PARD3B: variants seen among roughly 807,000 people sequenced by gnomAD.
The protein encoded by PARD3B is par-3 family cell polarity regulator beta.
In PARD3B, 103 loss-of-function variants were observed where a neutral mutation model predicts 130.2. The ratio of observed to expected loss-of-function variants is 0.79; its 90% CI spans 0.67 to 0.93. PARD3B has a LOEUF of 0.93. Among genes scored for constraint, PARD3B ranks in the 40% least tolerant of loss-of-function variants. The pLI is 0.00. For missense variants in PARD3B, 1,609 were observed against 1,499.2 expected (o/e 1.07, Z -1.21); for synonymous variants, 583 against 553.2 (o/e 1.05, Z -0.76).
intron 2 of PARD3B, among the ~76,000 whole-genome samples, chr2:204,713,041 T>G (rs1179810591): frequency 6.6e-6 from 1 of 152,154 alleles, no homozygotes; most frequent in Non-Finnish European, 1.5e-5. Context: ...TTCACTGCTG[T>G]AGAGTGTTTC....
chr2:204,821,646 A>G (rs988714416), intron 2 of PARD3B, among the ~76,000 whole-genome samples: 13 of 152,026 alleles, frequency 8.6e-5, no homozygotes, highest in African/African-American at 2.2e-4. Context: ...ATACATATGT[A>G]ACTAACCTGC....
At chr2:204,679,191 A>C (rs563850520) in intron 1 of PARD3B, among the ~76,000 whole-genome samples, 2 of 152,246 alleles carry the variant, frequency 1.3e-5, no homozygotes, top group South Asian at 4.1e-4. Flanking sequence ...TATACATTCT[A>C]CTGGTTACGA....
chr2:205,495,571 A>G (rs890767168), intron 20 of PARD3B, among the ~76,000 whole-genome samples: 1 of 152,220 alleles, frequency 6.6e-6, no homozygotes, highest in African/African-American at 2.4e-5. Context: ...TTCTAGAATC[A>G]GTGCTGCTAA....
intron 15 of PARD3B, among the ~76,000 whole-genome samples, chr2:205,227,976 A>G (rs926491066): frequency 6.6e-6 from 1 of 152,170 alleles, no homozygotes; most frequent in Non-Finnish European, 1.5e-5. Context: ...AAAGAAGACT[A>G]ATGAAAATTC....
chr2:205,162,867 A>G (rs1488282905), intron 11 of PARD3B, among the ~76,000 whole-genome samples: 13 of 152,168 alleles, frequency 8.5e-5, no homozygotes, highest in Admixed American at 8.5e-4. Context: ...AGATATTTTT[A>G]TGTTCATTTG....
At chr2:205,332,549 T>C (rs2043174580) in intron 18 of PARD3B, among the ~76,000 whole-genome samples, 1 of 152,202 alleles carries the variant, frequency 6.6e-6, no homozygotes, top group Middle Eastern at 3.2e-3. Context: ...AAAATATTTG[T>C]GGTCTTCTAC....
intron 21 of PARD3B, among the ~76,000 whole-genome samples, chr2:205,520,780 T>C (rs1295171484): frequency 4.6e-5 from 7 of 152,084 alleles, no homozygotes; most frequent in Admixed American, 1.3e-4. Context: ...TTTGTTATAT[T>C]TTGAAAATTT....
intron 5 of PARD3B, among the ~76,000 whole-genome samples, chr2:205,111,030 A>G (rs1703609385): frequency 6.6e-6 from 1 of 152,144 alleles, no homozygotes; most frequent in Non-Finnish European, 1.5e-5. Flanking sequence ...TTTTAAATAA[A>G]TAAAAATATG....
chr2:205,487,392 T>G (rs2049485707), intron 20 of PARD3B, among the ~76,000 whole-genome samples: 1 of 152,184 alleles, frequency 6.6e-6, no homozygotes, highest in Non-Finnish European at 1.5e-5. Flanking sequence ...TACTGACGTT[T>G]TGTTATATTT....
intron 19 of PARD3B, among the ~76,000 whole-genome samples, chr2:205,413,935 C>A (rs913468735): frequency 2.6e-5 from 4 of 152,096 alleles, no homozygotes; most frequent in African/African-American, 9.7e-5. Context: ...ATGGAAGATA[C>A]GCCTTTTTAG....
intron 15 of PARD3B, among the ~76,000 whole-genome samples, chr2:205,227,707 T>G (rs1237719411): frequency 6.6e-6 from 1 of 152,188 alleles, no homozygotes; most frequent in African/African-American, 2.4e-5. Flanking sequence ...AGTAAGGTCT[T>G]ACTCTTGCCA....
chr2:205,398,893 TG>T (rs1431330103), intron 18 of PARD3B, among the ~76,000 whole-genome samples: 1 of 152,186 alleles, frequency 6.6e-6, no homozygotes, highest in Non-Finnish European at 1.5e-5. Context: ...CAGGTCCTCA[TG>T]TGAGGAGACT....
chr2:205,190,080 A>G (rs558227527), intron 14 of PARD3B, among the ~76,000 whole-genome samples: 1 of 152,320 alleles, frequency 6.6e-6, no homozygotes, highest in East Asian at 1.9e-4. Flanking sequence ...TTATATGCCA[A>G]CATTTGTATA....
chr2:204,598,907 G>A (rs2033401021), intron 1 of PARD3B, among the ~76,000 whole-genome samples: 1 of 151,926 alleles, frequency 6.6e-6, no homozygotes, highest in Non-Finnish European at 1.5e-5. Flanking sequence ...TAATAGCTGT[G>A]TTTGAGAATG....
intron 2 of PARD3B, among the ~76,000 whole-genome samples, chr2:204,829,041 G>A (rs2043701367): frequency 6.6e-6 from 1 of 152,160 alleles, no homozygotes; most frequent in Non-Finnish European, 1.5e-5. Context: ...GCTGTAAACT[G>A]TGTTATATCA....
intron 15 of PARD3B, among the ~76,000 whole-genome samples, chr2:205,204,871 G>A (rs1420137585): frequency 5.9e-5 from 9 of 152,160 alleles, no homozygotes; most frequent in Non-Finnish European, 1.3e-4. Flanking sequence ...ATAGTTTGAA[G>A]TCAGGTAGCA....
At position 205,176,493 on chromosome 2, in the gene PARD3B, C is replaced by G. The variant is rs79648531; in HGVS notation, c.1840C>G (p.Gln614Glu). Reference protein sequence around the residue: ...AFSKPCFENCQNAVTTSRRND... With the variant: ...AFSKPCFENCENAVTTSRRND... ...TTCCAAGCCATGCTTTGAGAACTGTCAAAATGCTGTAACCACCTCTAGGCG... is the reference window on the plus strand; with the variant it reads ...TTCCAAGCCATGCTTTGAGAACTGTGAAAATGCTGTAACCACCTCTAGGCG... Residue 614 changes from glutamine to glutamate, a missense_variant, in exon 13 of 23, where the codon CAA becomes GAA. By Grantham distance (29) the Gln-to-Glu change is conservative. Transcript: ENST00000406610. This position sits in a 1 kb window ranked among gnomAD's most constrained non-coding sequence, Gnocchi z 5.3. 876 of 1,612,746 alleles carry G rather than the reference C, an allele frequency of 5.4e-4. 5 individuals are homozygous for G. In the African/African-American group the frequency reaches 0.011, roughly 20 times the overall value.
At chr2:205,278,306 A>G (rs1314585906) in intron 16 of PARD3B, among the ~76,000 whole-genome samples, 4 of 152,104 alleles carry the variant, frequency 2.6e-5, no homozygotes, top group Non-Finnish European at 5.9e-5. Context: ...AAGTGAGAGT[A>G]CTTGCAGGGT....
At chr2:204,656,024 A>G (rs572284588) in intron 1 of PARD3B, among the ~76,000 whole-genome samples, 1 of 152,078 alleles carries the variant, frequency 6.6e-6, no homozygotes, top group African/African-American at 2.4e-5. Flanking sequence ...GCCTTTTCTC[A>G]TAGCAAAGGA....
Sources: allele counts gnomAD v4.1 joint callset (sites outside exome capture counted in the v4.1 genomes callset), GRCh38; gene constraint gnomAD v4.1.1; non-coding constraint Gnocchi (gnomAD v3.1); transcripts MANE v1.5; gene names NCBI Gene and HGNC (gene_info 2026-07-23, HGNC 2026-07-21).